Variants in DSTYK observed in about 807,000 individuals in gnomAD.
DSTYK encodes dual serine/threonine and tyrosine protein kinase.
In DSTYK, 34 loss-of-function variants were observed where a neutral mutation model predicts 98.7. The observed-to-expected ratio is 0.34, with a 90% CI of 0.26 to 0.46. The LOEUF is 0.46. Among genes scored for constraint, DSTYK ranks in the 20% least tolerant of loss-of-function variants. The probability of loss-of-function intolerance (pLI) is 1.00; values close to 1 mark genes in which losing one functional copy is unlikely to be tolerated. For synonymous variants in DSTYK, 462 were observed against 457.3 expected (o/e 1.01, Z -0.13); for missense variants, 962 against 1,181.7 (o/e 0.81, Z 2.73).
At chr1:205,161,504 A>G in intron 6 of DSTYK, 117 bp from the exon 7 acceptor site, 1 of 1,085,944 alleles carries the variant, frequency 9.2e-7, no homozygotes, top group Non-Finnish European at 1.3e-6. Flanking sequence ...ATTAAACAAG[A>G]TACATGTAAC....
Position 205,211,387 on chromosome 1 carries a change from T to G in DSTYK, c.149A>C (p.Lys50Thr), listed in dbSNP as rs936052276. The G allele has an allele frequency of 1.2e-6, 2 of 1,612,398 alleles. No homozygotes were observed. The highest frequency in any genetic ancestry group is 1.7e-5 in the Admixed American group (1 of 59,936). Residue 50 changes from lysine (K) to threonine (T), a missense_variant, in exon 1 of 13, where the codon AAG becomes ACG. Physicochemically the swap from Lys to Thr is moderately conservative, Grantham distance 78. This residue lies in a region of DSTYK where 168 missense variants were observed against 120.0 expected (regional missense o/e 1.40). Coordinates refer to ENST00000367162, the MANE Select transcript of DSTYK (RefSeq NM_015375.3). The part of the protein sequence containing the change: ...RLRQNLRETQ[K>T]FFRDIKCSHN... The stretch of plus-strand genomic sequence containing the variant: ...GGAGCACTTGATGTCGCGGAAGAAC[T>G]TCTGGGTCTCGCGCAGGTTCTGTCG...
At chr1:205,194,744 G>A (rs1658813954) in intron 1 of DSTYK, among the ~76,000 whole-genome samples, 1 of 151,672 alleles carries the variant, frequency 6.6e-6, no homozygotes, top group Admixed American at 6.6e-5. Flanking sequence ...CGCCCAGGCT[G>A]GAGTGCAGTA....
At chr1:205,178,937 T>A (rs1658313507) in intron 2 of DSTYK, among the ~76,000 whole-genome samples, 1 of 151,522 alleles carries the variant, frequency 6.6e-6, no homozygotes, top group Non-Finnish European at 1.5e-5. Context: ...AAGACCAGCC[T>A]GGGCAACATG....
chr1:205,190,782 A>G (rs1348018479), intron 1 of DSTYK, among the ~76,000 whole-genome samples: 2 of 152,174 alleles, frequency 1.3e-5, no homozygotes. Context: ...AGATTTTCAC[A>G]TAAGTGTCTA....
At chr1:205,178,586 A>ATTATGAAGAACGTTC (rs1354031795) in intron 2 of DSTYK, among the ~76,000 whole-genome samples, 6 of 152,212 alleles carry the variant, frequency 3.9e-5, no homozygotes, top group African/African-American at 1.4e-4. Flanking sequence ...GCCATAATGA[A>ATTATGAAGAACGTTC]TTATGAAGAA....
At chr1:205,192,425 C>G (rs1658738762) in intron 1 of DSTYK, among the ~76,000 whole-genome samples, 1 of 152,094 alleles carries the variant, frequency 6.6e-6, no homozygotes, top group Non-Finnish European at 1.5e-5. Flanking sequence ...ATGTACTACT[C>G]AGGAGGCTGA....
At chr1:205,206,179 G>A (rs376910371) in intron 1 of DSTYK, among the ~76,000 whole-genome samples, 3 of 152,062 alleles carry the variant, frequency 2.0e-5, no homozygotes, top group East Asian at 3.8e-4. Context: ...TCCCCCATAC[G>A]CAGCACATTG....
At chr1:205,202,957 C>A (rs2102479015) in intron 1 of DSTYK, among the ~76,000 whole-genome samples, 1 of 152,132 alleles carries the variant, frequency 6.6e-6, no homozygotes, top group African/African-American at 2.4e-5. Flanking sequence ...GAAAGATTCC[C>A]TGTTCTCTTA....
chr1:205,144,104 C>T lies in DSTYK; in HGVS notation c.*3454G>A, dbSNP rs1287802431. ...GCCCTTGCCATCAGCTCTCTAGGCA[C>T]AGGGTCAGCCATTCCAGGGCCCCAG... is the stretch of plus-strand genomic sequence containing the variant. On this transcript the variant is annotated 3_prime_UTR_variant, in exon 13 of 13. Transcript: ENST00000367162. The T allele has an allele frequency of 6.6e-6, 1 of 152,510 alleles. No individual in the cohort carries two copies. Among genetic ancestry groups the T allele is most frequent in the Non-Finnish European group, 1.5e-5 (1 of 68,070 alleles). 9.4% of individuals were successfully genotyped at this position (152,510 alleles called of 1,614,324 possible).
rs1046250908 is a variant in DSTYK at position 205,165,887 on chromosome 1, T to C, written c.1325-1932A>G. Among the ~76,000 whole-genome samples, 9 of 152,076 alleles carry C rather than the reference T, an allele frequency of 5.9e-5. No individual in the cohort carries two copies. In the South Asian group the frequency reaches 6.2e-4, roughly 11 times the overall value. On this transcript the variant is annotated intron_variant, in intron 3 of 12. Coordinates refer to ENST00000367162, the MANE Select transcript of DSTYK (RefSeq NM_015375.3). ...TGCACACCTTTAGACCCAGGTGTGA[T>C]GGTGCACACCTTTAGACCCAGCTAC...
At chr1:205,204,140 G>T (rs1207167266) in intron 1 of DSTYK, among the ~76,000 whole-genome samples, 1 of 152,138 alleles carries the variant, frequency 6.6e-6, no homozygotes, top group Non-Finnish European at 1.5e-5. Context: ...AGCCTGAGTA[G>T]GTAGTGCCAC....
At chr1:205,199,768 C>A (rs966797533) in intron 1 of DSTYK, among the ~76,000 whole-genome samples, 1 of 152,160 alleles carries the variant, frequency 6.6e-6, no homozygotes, top group Non-Finnish European at 1.5e-5. Flanking sequence ...CCCGTCATCC[C>A]TAGAGGCTAT....
chr1:205,178,302 C>T (rs982737989), intron 2 of DSTYK, among the ~76,000 whole-genome samples: 1 of 151,892 alleles, frequency 6.6e-6, no homozygotes, highest in African/African-American at 2.4e-5. Flanking sequence ...GATTAGGTAA[C>T]CGACAAGTTG....
chr1:205,164,711 T>C (rs1220017659), intron 3 of DSTYK, among the ~76,000 whole-genome samples: 3 of 152,168 alleles, frequency 2.0e-5, no homozygotes, highest in Non-Finnish European at 4.4e-5. Context: ...TCTGCCCACC[T>C]CGGCCTCCCA....
chr1:205,173,390 C>CAAAAAAAA (rs570805658), intron 2 of DSTYK: 9 of 82,592 alleles, frequency 1.1e-4, no homozygotes, highest in South Asian at 4.2e-4. Context: ...GAGACTGTCT[C>CAAAAAAAA]AAAAAAAAAA....
intron 10 of DSTYK, among the ~76,000 whole-genome samples, chr1:205,151,999 T>C (rs2102381535): frequency 6.6e-6 from 1 of 152,312 alleles, no homozygotes. Context: ...ACAGTAAATA[T>C]ATAAACCAGT....
chr1:205,192,885 C>T (rs995953352), intron 1 of DSTYK, among the ~76,000 whole-genome samples: 2 of 152,098 alleles, frequency 1.3e-5, no homozygotes, highest in Non-Finnish European at 2.9e-5. Flanking sequence ...CAAGAAACAG[C>T]TCAGGTTTCT....
At position 205,157,324 on chromosome 1, in the gene DSTYK, G is replaced by C. The variant is rs142354055; in HGVS notation, c.2301C>G (p.Phe767Leu). ...IALDVVEGIR[F>L]LHSQGLVHRD... Reference sequence around the variant, plus strand: ...GATGGACAAGTCCCTGGCTGTGCAGGAAGCGGATTCCCTCCACCACATCTA... The same window carrying C: ...GATGGACAAGTCCCTGGCTGTGCAGCAAGCGGATTCCCTCCACCACATCTA... Residue 767 changes from phenylalanine to leucine, a missense_variant, in exon 10 of 13, where the codon TTC becomes TTG. Coordinates refer to ENST00000367162, the MANE Select transcript of DSTYK (RefSeq NM_015375.3). The C allele has an allele frequency of 2.5e-6, 4 of 1,614,036 alleles. No individual in the cohort carries two copies. The African/African-American group carries it at 5.3e-5, about 22-fold the overall frequency.
chr1:205,200,496 C>T (rs1166467802), intron 1 of DSTYK, among the ~76,000 whole-genome samples: 3 of 152,054 alleles, frequency 2.0e-5, no homozygotes, highest in Admixed American at 6.6e-5. Context: ...CTTATCAATG[C>T]CATTTAATCT....
Sources: allele counts gnomAD v4.1 joint callset (sites outside exome capture counted in the v4.1 genomes callset), GRCh38; gene constraint gnomAD v4.1.1; regional missense constraint gnomAD v4.1.1; transcripts MANE v1.5; gene names NCBI Gene and HGNC (gene_info 2026-07-23, HGNC 2026-07-21).